The following FAM171B variants were observed in gnomAD, a reference collection of about 807,000 sequenced individuals.
FAM171B encodes the protein protein FAM171B.
FAM171B carries 19 observed loss-of-function variants against 75.6 expected under a neutral mutation model. That is an observed-to-expected ratio of 0.25 (90% CI 0.18 to 0.37). The LOEUF (loss-of-function observed/expected upper bound fraction) is 0.37. Among genes scored for constraint, FAM171B ranks in the 10% least tolerant of loss-of-function variants. FAM171B has a pLI of 1.00. For missense variants in FAM171B, 848 were observed against 982.4 expected, an observed-to-expected ratio of 0.86 and a Z score of 1.83; for synonymous variants, 367 against 361.7, an observed-to-expected ratio of 1.01 and a Z score of -0.17.
chr2:186,753,638 C>T (rs1278755664), intron 5 of FAM171B, among the ~76,000 whole-genome samples: 1 of 152,092 alleles, frequency 6.6e-6, no homozygotes, highest in Non-Finnish European at 1.5e-5. Flanking sequence ...TGGTCTTGAA[C>T]ACCTGATCTT....
Position 186,764,172 on chromosome 2 carries a change from C to G in FAM171B, c.*1349C>G, listed in dbSNP as rs1218518202. 2 of 152,008 alleles carry G rather than the reference C, an allele frequency of 1.3e-5. No individual in the cohort carries two copies. Among genetic ancestry groups the G allele is most frequent in the Non-Finnish European group, 2.9e-5 (2 of 67,964 alleles). 9.4% of individuals were successfully genotyped at this position (152,008 alleles called of 1,614,324 possible). A position where few individuals can be genotyped will look rare whatever the true frequency, so the allele number is the denominator to read the frequency against. On this transcript the variant is annotated 3_prime_UTR_variant, in exon 8 of 8. Coordinates refer to ENST00000304698, the MANE Select transcript of FAM171B (RefSeq NM_177454.4). Reference sequence around the variant, plus strand: ...AGGCAAATGTCTGAAGCACCTTTCCCTTGTGGGGGTAAAAATCCTAAATTG... The same window carrying G: ...AGGCAAATGTCTGAAGCACCTTTCCGTTGTGGGGGTAAAAATCCTAAATTG...
chr2:186,752,984 A>G (rs1690477870), intron 5 of FAM171B, among the ~76,000 whole-genome samples: 1 of 152,218 alleles, frequency 6.6e-6, no homozygotes, highest in South Asian at 2.1e-4. Context: ...TTCTATAAGA[A>G]CAATACCAAC....
chr2:186,737,428 C>T (rs1455925379), intron 1 of FAM171B, among the ~76,000 whole-genome samples: 2 of 152,178 alleles, frequency 1.3e-5, no homozygotes, highest in Non-Finnish European at 2.9e-5. Context: ...GTGATCATGG[C>T]TCACTGCAGC....
chr2:186,750,355 CT>C (rs1394142793), intron 4 of FAM171B, among the ~76,000 whole-genome samples: 3 of 152,154 alleles, frequency 2.0e-5, no homozygotes, highest in African/African-American at 4.8e-5. Context: ...AGAAAGCGTA[CT>C]GTAAATTGTA....
rs1025447693 is a variant in FAM171B at position 186,743,071 on chromosome 2, G to C, written c.473-412G>C. Among the ~76,000 whole-genome samples, 5 of 152,062 alleles carry C rather than the reference G, an allele frequency of 3.3e-5. No homozygotes were observed. The East Asian group carries it at 9.6e-4, about 29-fold the overall frequency. On this transcript the variant is annotated intron_variant, in intron 2 of 7. Transcript: ENST00000304698. Reference sequence around the variant, plus strand: ...AAGGTAAAAGTGAAAAGTGGATATAGTTTATATCTAGAGAAGCTTGAATCA... The same window carrying C: ...AAGGTAAAAGTGAAAAGTGGATATACTTTATATCTAGAGAAGCTTGAATCA...
At chr2:186,709,362 AAAAT>A (rs1322327372) in intron 1 of FAM171B, among the ~76,000 whole-genome samples, 2 of 152,196 alleles carry the variant, frequency 1.3e-5, no homozygotes, top group African/African-American at 4.8e-5. Flanking sequence ...TTAGAAAAGA[AAAAT>A]AAATATAGCT....
intron 1 of FAM171B, among the ~76,000 whole-genome samples, chr2:186,700,846 A>G (rs1198599276): frequency 2.0e-5 from 3 of 152,160 alleles, no homozygotes; most frequent in Non-Finnish European, 4.4e-5. Context: ...TCTTAAGATG[A>G]TTACTTTAAA....
chr2:186,736,514 A>G (rs1040012420), intron 1 of FAM171B, among the ~76,000 whole-genome samples: 1 of 147,972 alleles, frequency 6.8e-6, no homozygotes, highest in African/African-American at 2.5e-5. Flanking sequence ...TTATAAGAGG[A>G]GGTATACTGA....
chr2:186,729,576 C>T (rs1165734352), intron 1 of FAM171B, among the ~76,000 whole-genome samples: 3 of 152,144 alleles, frequency 2.0e-5, no homozygotes, highest in African/African-American at 7.2e-5. Flanking sequence ...GCAGCTAATT[C>T]TTTATAACTT....
intron 1 of FAM171B, among the ~76,000 whole-genome samples, chr2:186,717,068 T>C (rs1396619770): frequency 1.3e-5 from 2 of 152,152 alleles, no homozygotes; most frequent in African/African-American, 4.8e-5. Flanking sequence ...GGAGCCGGGA[T>C]TAGAACCCTG....
In FAM171B at chr2:186,740,468, A is replaced by G. The variant is rs766367656; in HGVS notation, c.472+7A>G. Reference sequence around the variant, plus strand: ...AAAACCAGAAGAATGCCAAGTAAGCACTTAAACAGTTTTTTTTTGTTTGTT... The same window carrying G: ...AAAACCAGAAGAATGCCAAGTAAGCGCTTAAACAGTTTTTTTTTGTTTGTT... On this transcript the variant is annotated splice_region_variant and intron_variant, in intron 2 of 7. Coordinates refer to ENST00000304698, the MANE Select transcript of FAM171B (RefSeq NM_177454.4). 1.9e-5 allele frequency: 31 copies of G among 1,592,626 alleles called. No homozygotes were observed. The highest frequency in any genetic ancestry group is 2.6e-5 in the Non-Finnish European group (30 of 1,168,082).
At chr2:186,721,532 A>C (rs1209624536) in intron 1 of FAM171B, among the ~76,000 whole-genome samples, 1 of 152,204 alleles carries the variant, frequency 6.6e-6, no homozygotes, top group Non-Finnish European at 1.5e-5. Context: ...TAAGACAATA[A>C]AGTGAACAAG....
chr2:186,748,013 C>T (rs1195413398), intron 4 of FAM171B, among the ~76,000 whole-genome samples: 1 of 152,114 alleles, frequency 6.6e-6, no homozygotes, highest in East Asian at 1.9e-4. Context: ...GCCTTAACCA[C>T]CAAGGTTCGA....
intron 5 of FAM171B, among the ~76,000 whole-genome samples, chr2:186,751,635 C>T (rs1427644220): frequency 1.3e-5 from 2 of 151,978 alleles, no homozygotes; most frequent in East Asian, 1.9e-4. Context: ...TATCTAAAAG[C>T]GTGGTTTAAG....
chr2:186,762,557 G>A lies in FAM171B; in HGVS notation c.2215G>A (p.Glu739Lys). ...SMHQPKILYL[E>K]DLDLSSSESG... ...GCATCAGCCCAAGATCCTTTACTTA[G>A]AAGATTTAGACCTAAGCAGCAGTGA... is the stretch of plus-strand genomic sequence containing the variant. The change falls in exon 8 of 8, where the codon GAA (glutamate) becomes AAA (lysine). Residue 739 changes from glutamate (E) to lysine (K), a missense_variant. By Grantham distance (56) the Glu-to-Lys change is moderately conservative (BLOSUM62 1). Around this residue, in one of 3 missense-constraint regions of FAM171B, gnomAD observed 136 missense variants for 159.3 expected, o/e 0.85. Coordinates refer to ENST00000304698, the MANE Select transcript of FAM171B (RefSeq NM_177454.4). The surrounding 1 kb of genome is among the most constrained non-coding windows in gnomAD (Gnocchi z 4.0). The A allele has an allele frequency of 6.2e-7, 1 of 1,613,616 alleles. No homozygotes were observed. Among genetic ancestry groups the A allele is most frequent in the Non-Finnish European group, 8.5e-7 (1 of 1,179,744 alleles).
Position 186,761,241 on chromosome 2 carries a change from G to T in FAM171B, c.1136+5G>T, listed in dbSNP as rs2105793541. Reference sequence around the variant, plus strand: ...TGTACTACTTTGTTATTGCAGGTAAGAAAATGGCTATAAACACAGAAAACT... The same window carrying T: ...TGTACTACTTTGTTATTGCAGGTAATAAAATGGCTATAAACACAGAAAACT... On this transcript the variant is annotated splice_donor_5th_base_variant and intron_variant, in intron 7 of 7. Transcript: ENST00000304698. 1 of 1,611,784 alleles carries T rather than the reference G, an allele frequency of 6.2e-7. No homozygotes were observed. The highest frequency in any genetic ancestry group is 2.2e-5 in the East Asian group (1 of 44,764).
intron 6 of FAM171B, among the ~76,000 whole-genome samples, chr2:186,754,716 G>A (rs932557398): frequency 2.6e-5 from 4 of 152,252 alleles, no homozygotes; most frequent in African/African-American, 4.8e-5. Context: ...AAAAGACTGA[G>A]GATGTATTAA....
At position 186,762,392 on chromosome 2, in the gene FAM171B, C is replaced by G; in HGVS notation, c.2050C>G (p.Gln684Glu). Residue 684 changes from glutamine (Q) to glutamate (E), a missense_variant, in exon 8 of 8, where the codon CAA becomes GAA. By Grantham distance (29) the Gln-to-Glu change is conservative. Coordinates refer to ENST00000304698, the MANE Select transcript of FAM171B (RefSeq NM_177454.4). The surrounding 1 kb of genome is among the most constrained non-coding windows in gnomAD (Gnocchi z 4.0). ...GTCTCTTGATGGAAAGCCAGTTGCA[C>G]AAGTGAGGCACTCCTTTATAGACCT... The part of the protein sequence containing the change: ...FVSLDGKPVA[Q>E]VRHSFIDLKK... 6.2e-7 allele frequency: 1 copy of G among 1,613,636 alleles called. No individual in the cohort carries two copies. The highest frequency in any genetic ancestry group is 8.5e-7 in the Non-Finnish European group (1 of 1,179,754).
At chr2:186,736,368 A>G (rs1473113938) in intron 1 of FAM171B, among the ~76,000 whole-genome samples, 1 of 152,216 alleles carries the variant, frequency 6.6e-6, no homozygotes, top group Non-Finnish European at 1.5e-5. Context: ...ACCAATATGT[A>G]TAAAATAAAG....
Sources: gnomAD v4.1 joint callset for allele counts (sites outside exome capture counted in the v4.1 genomes callset) on GRCh38, gnomAD v4.1.1 for gene constraint, gnomAD v4.1.1 regional missense constraint, Gnocchi (gnomAD v3.1) non-coding constraint, MANE v1.5 for transcripts, NCBI Gene and HGNC (gene_info 2026-07-23, HGNC 2026-07-21) for gene names.